The following FGF12 variants were observed in gnomAD, a reference collection of about 807,000 sequenced individuals.
FGF12 encodes fibroblast growth factor 12B.
In FGF12, 14 loss-of-function variants were observed where a neutral mutation model predicts 23.6. The observed-to-expected ratio is 0.59, with a 90% CI of 0.39 to 0.93. FGF12 has a LOEUF of 0.93. FGF12 is among the 40% of genes least tolerant of loss of function. FGF12 has a pLI of 0.00. For missense variants in FGF12, 175 were observed against 217.8 expected, an observed-to-expected ratio of 0.80 and a Z score of 1.24; for synonymous variants, 62 against 77.3, an observed-to-expected ratio of 0.80 and a Z score of 1.04.
intron 4 of FGF12, among the ~76,000 whole-genome samples, chr3:192,276,229 A>G (rs1713776916): frequency 6.6e-6 from 1 of 152,174 alleles, no homozygotes. Context: ...TTTAAGCACT[A>G]AAGTTTCTTT....
At chr3:192,548,581 G>T (rs1238650437) in intron 2 of FGF12, among the ~76,000 whole-genome samples, 2 of 152,040 alleles carry the variant, frequency 1.3e-5, no homozygotes, top group East Asian at 3.9e-4. Context: ...CACTACAATG[G>T]CTCATCTACC....
intron 2 of FGF12, among the ~76,000 whole-genome samples, chr3:192,499,188 T>G (rs1724046481): frequency 6.6e-6 from 1 of 152,154 alleles, no homozygotes; most frequent in Admixed American, 6.5e-5. Context: ...TCATTTAAAC[T>G]TCACAATGCT....
At chr3:192,387,693 A>G (rs1720103189) in intron 2 of FGF12, among the ~76,000 whole-genome samples, 1 of 147,672 alleles carries the variant, frequency 6.8e-6, no homozygotes, top group Non-Finnish European at 1.5e-5. Context: ...CAAAAAAAAT[A>G]CAAAAAAAAA....
chr3:192,346,296 A>T (rs1307763614), intron 3 of FGF12, among the ~76,000 whole-genome samples: 1 of 152,198 alleles, frequency 6.6e-6, no homozygotes, highest in Non-Finnish European at 1.5e-5. Context: ...TCTTTGCTTC[A>T]TGCAAGCTAG....
chr3:192,632,244 C>T (rs980533723), intron 2 of FGF12, among the ~76,000 whole-genome samples: 1 of 152,252 alleles, frequency 6.6e-6, no homozygotes, highest in African/African-American at 2.4e-5. Context: ...TGGAATTCAA[C>T]ACCCACTGAA....
intron 2 of FGF12, among the ~76,000 whole-genome samples, chr3:192,661,170 C>A (rs1503587): frequency 0.55 from 74,478 of 136,158 alleles, 18,544 homozygotes; most frequent in East Asian, 0.59. Flanking sequence ...AGCAAGGTAA[C>A]AAAATAGCCA....
intron 2 of FGF12, among the ~76,000 whole-genome samples, chr3:192,707,692 G>A (rs1358019399): frequency 1.6e-5 from 2 of 121,832 alleles, no homozygotes; most frequent in African/African-American, 3.3e-5. Context: ...ATTGCAATAA[G>A]CCAAGATTGT....
chr3:192,481,192 A>G (rs2108819357), intron 2 of FGF12, among the ~76,000 whole-genome samples: 1 of 152,292 alleles, frequency 6.6e-6, no homozygotes, highest in South Asian at 2.1e-4. Context: ...TTGCTGAGGA[A>G]TGACTTTTAT....
At chr3:192,291,516 G>A (rs866100964) in intron 4 of FGF12, among the ~76,000 whole-genome samples, 10 of 151,958 alleles carry the variant, frequency 6.6e-5, no homozygotes, top group Admixed American at 3.3e-4. Context: ...CTGGGAGGTC[G>A]AGGTTGCAGT....
intron 4 of FGF12, among the ~76,000 whole-genome samples, chr3:192,221,541 T>C (rs894422637): frequency 6.6e-6 from 1 of 152,168 alleles, no homozygotes; most frequent in African/African-American, 2.4e-5. Context: ...GAGGAAGAGA[T>C]AGCCATCATG....
intron 4 of FGF12, among the ~76,000 whole-genome samples, chr3:192,173,504 AT>A (rs1715686815): frequency 1.4e-5 from 2 of 139,340 alleles, no homozygotes; most frequent in Non-Finnish European, 3.3e-5. Context: ...TTCAATATAG[AT>A]GATAATATTA....
chr3:192,160,427 C>T (rs563923659), intron 5 of FGF12, among the ~76,000 whole-genome samples: 11 of 152,220 alleles, frequency 7.2e-5, no homozygotes, highest in African/African-American at 2.2e-4. Context: ...CTCAGCTTTG[C>T]CTGCAAAAAC....
chr3:192,450,013 A>G (rs1722472575), intron 2 of FGF12, among the ~76,000 whole-genome samples: 1 of 152,150 alleles, frequency 6.6e-6, no homozygotes, highest in Non-Finnish European at 1.5e-5. Flanking sequence ...TTAAACTCTC[A>G]CTTTTCAAAT....
At chr3:192,234,805 A>T (rs1000338321) in intron 4 of FGF12, among the ~76,000 whole-genome samples, 2 of 152,162 alleles carry the variant, frequency 1.3e-5, no homozygotes, top group East Asian at 1.9e-4. Flanking sequence ...TGATCATGTA[A>T]TTTTTGCCTT....
At chr3:192,392,245 A>G (rs981440679) in intron 2 of FGF12, among the ~76,000 whole-genome samples, 8 of 152,170 alleles carry the variant, frequency 5.3e-5, no homozygotes, top group African/African-American at 1.9e-4. Context: ...AACATATGTC[A>G]TCCACTGAAG....
At chr3:192,679,073 G>A (rs181982435) in intron 2 of FGF12, among the ~76,000 whole-genome samples, 33 of 152,268 alleles carry the variant, frequency 2.2e-4, no homozygotes, top group Admixed American at 2.0e-3. Context: ...CCCAGCTTTG[G>A]AGAATAGGAA....
intron 4 of FGF12, among the ~76,000 whole-genome samples, chr3:192,319,555 C>G (rs1716419979): frequency 1.3e-5 from 2 of 152,022 alleles, no homozygotes; most frequent in Non-Finnish European, 2.9e-5. Flanking sequence ...TGAGATCGCA[C>G]CACTGCACTC....
chr3:192,568,458 C>T (rs1416784080), intron 2 of FGF12, among the ~76,000 whole-genome samples: 1 of 152,106 alleles, frequency 6.6e-6, no homozygotes, highest in Non-Finnish European at 1.5e-5. Flanking sequence ...TTTGCTGTAT[C>T]CTCTCCTTGG....
At chr3:192,442,449 AGACT>A (rs1318268287) in intron 2 of FGF12, among the ~76,000 whole-genome samples, 1 of 152,246 alleles carries the variant, frequency 6.6e-6, no homozygotes, top group African/African-American at 2.4e-5. Context: ...GACTCAAGAC[AGACT>A]AAGATGTTGG....
Sources: allele counts gnomAD v4.1 joint callset (sites outside exome capture counted in the v4.1 genomes callset), GRCh38; gene constraint gnomAD v4.1.1; transcripts MANE v1.5; gene names NCBI Gene and HGNC (gene_info 2026-07-23, HGNC 2026-07-21).